MAPT: variants seen among roughly 807,000 people sequenced by gnomAD.
MAPT encodes microtubule-associated protein tau.
A neutral mutation model predicts 67.9 loss-of-function variants in MAPT; 34 were observed. The ratio of observed to expected loss-of-function variants is 0.50; its 90% CI spans 0.38 to 0.67. The LOEUF (loss-of-function observed/expected upper bound fraction) is 0.67. Ranked by LOEUF, MAPT falls within the 30% of genes least tolerant of loss-of-function variation. The pLI is 0.00. For missense variants in MAPT, 881 were observed against 1,115.2 expected (o/e 0.79, Z 2.99); for synonymous variants, 456 against 464.5 (o/e 0.98, Z 0.23).
chr17:45,986,959 A>T, intron 5 of MAPT, 81 bp from the exon 6 acceptor site: 3 of 1,267,984 alleles, frequency 2.4e-6, no homozygotes, highest in Non-Finnish European at 3.4e-6. Context: ...TATCCCAGAG[A>T]AATCCAGCTT....
chr17:45,958,578 G>A (rs2070001945), intron 1 of MAPT, among the ~76,000 whole-genome samples: 1 of 152,094 alleles, frequency 6.6e-6, no homozygotes, highest in African/African-American at 2.4e-5. Context: ...AATATTAGCC[G>A]GGTGTGATGG....
Position 45,996,493 on chromosome 17 carries a change from C to G in MAPT, c.1827C>G (p.Thr609=). 1 of 1,613,526 alleles carries G rather than the reference C, an allele frequency of 6.2e-7. No homozygotes were observed. Among genetic ancestry groups the G allele is most frequent in the Non-Finnish European group, 8.5e-7 (1 of 1,179,920 alleles). ...GSRSRTPSLP[T]PPTREPKKVA... is the part of the protein sequence containing the mutation. ...GCTCCCGCACCCCGTCCCTTCCAAC[C>G]CCACCCACCCGGGAGCCCAAGAAGG... The change falls in exon 9 of 13, where the codon ACC becomes ACG. Residue 609 remains threonine, a synonymous_variant. Transcript: ENST00000262410. This position sits in a 1 kb window ranked among gnomAD's most constrained non-coding sequence, Gnocchi z 4.5.
chr17:45,967,765 C>A (rs568157713), intron 2 of MAPT, among the ~76,000 whole-genome samples: 1 of 152,320 alleles, frequency 6.6e-6, no homozygotes, highest in South Asian at 2.1e-4. Context: ...TTCAACAGAG[C>A]CTTCCTGTCG....
intron 11 of MAPT, among the ~76,000 whole-genome samples, chr17:46,014,773 C>A (rs1394055081): frequency 6.6e-6 from 1 of 152,026 alleles, no homozygotes; most frequent in East Asian, 1.9e-4. Context: ...ACTCCGGAGG[C>A]TGAGGCAGGA....
chr17:45,988,178 C>G (rs1036331566), intron 6 of MAPT, among the ~76,000 whole-genome samples: 2 of 152,194 alleles, frequency 1.3e-5, no homozygotes, highest in Non-Finnish European at 2.9e-5. Flanking sequence ...TCCCTCCTCT[C>G]CCATTGCTAC....
At chr17:45,988,780 C>T (rs1370869030) in intron 6 of MAPT, among the ~76,000 whole-genome samples, 1 of 151,926 alleles carries the variant, frequency 6.6e-6, no homozygotes, top group East Asian at 1.9e-4. Flanking sequence ...TTTAATTGGC[C>T]AGGCAGAGGT....
At chr17:45,946,004 A>G (rs1389093332) in intron 1 of MAPT, among the ~76,000 whole-genome samples, 2 of 152,184 alleles carry the variant, frequency 1.3e-5, no homozygotes, top group South Asian at 2.1e-4. Context: ...ATAATTTTGT[A>G]TTTGACTTTT....
intron 12 of MAPT, among the ~76,000 whole-genome samples, chr17:46,021,880 C>T (rs917751414): frequency 6.6e-6 from 1 of 152,136 alleles, no homozygotes; most frequent in African/African-American, 2.4e-5. Context: ...CAGCATTAGT[C>T]CCCTGTTTTC....
chr17:45,990,240 T>TG (rs1231138007), intron 7 of MAPT, among the ~76,000 whole-genome samples, 165 bp downstream of exon 7: 1 of 152,172 alleles, frequency 6.6e-6, no homozygotes, highest in Non-Finnish European at 1.5e-5. Flanking sequence ...AAAAGAGAGC[T>TG]GGGGGCCATC....
rs555960888 is a variant in MAPT, at chr17:45,938,404, T to C, written c.-17-23917T>C. On this transcript the variant is annotated intron_variant, in intron 1 of 12. Transcript: ENST00000262410. ...AGGATGAGTCCTCACATCACCTTGC[T>C]CTGACACCAGTTCTCTGCCTCCCTC... Among the ~76,000 whole-genome samples, 11 of 152,380 alleles carry C rather than the reference T, an allele frequency of 7.2e-5. No homozygotes were observed. The East Asian group carries it at 1.5e-3, about 21-fold the overall frequency.
At position 45,960,873 on chromosome 17, in the gene MAPT, A is replaced by C. The variant is rs73314925; in HGVS notation, c.-17-1448A>C. Among the ~76,000 whole-genome samples the C allele has an allele frequency of 2.2e-3, 337 of 151,786 alleles. 4 individuals carry two copies. The highest frequency in any genetic ancestry group is 7.9e-3 in the African/African-American group (329 of 41,404). On this transcript the variant is annotated intron_variant, in intron 1 of 12. Transcript: ENST00000262410. ...AAAAAAAAAAATTCAGGCCTCCTAT[A>C]GCCATGAGCTACGAATATGAAAATA...
chr17:45,979,805 G>A (rs963839247), intron 4 of MAPT: 7 of 152,180 alleles, frequency 4.6e-5, no homozygotes, highest in African/African-American at 1.7e-4. Flanking sequence ...TAGTGCAGGT[G>A]ATGTCTACAT....
At chr17:45,935,077 C>T (rs1287194006) in intron 1 of MAPT, among the ~76,000 whole-genome samples, 1 of 152,146 alleles carries the variant, frequency 6.6e-6, no homozygotes, top group Non-Finnish European at 1.5e-5. Context: ...GGGAGGGCTG[C>T]TATATCCAAG....
In MAPT at chr17:45,996,844, T is replaced by G. The variant is rs1380856822; in HGVS notation, c.1998+180T>G. On this transcript the variant is annotated intron_variant, in intron 9 of 12. Transcript: ENST00000262410. This position sits in a 1 kb window ranked among gnomAD's most constrained non-coding sequence, Gnocchi z 4.5. ...CCCCGCATAACACCCCAGTCCCCTC[T>G]GGACCCTCTTCAAGGAAGTTCAGTT... 6.6e-6 allele frequency among the ~76,000 whole-genome samples: 1 copy of G among 152,204 alleles called. No homozygotes were observed. Among genetic ancestry groups the G allele is most frequent in the Non-Finnish European group, 1.5e-5 (1 of 68,034 alleles).
chr17:45,971,562 A>G lies in MAPT; in HGVS notation c.134-297A>G, dbSNP rs1359506378. ...CTGCCCGTTGACCAATGGAAGATAA[A>G]CCTTTGCCTCAGGTGGCACCACTAG... On this transcript the variant is annotated intron_variant, in intron 2 of 12. Transcript: ENST00000262410. This position sits in a 1 kb window ranked among gnomAD's most constrained non-coding sequence, Gnocchi z 4.3. Among the ~76,000 whole-genome samples the G allele has an allele frequency of 6.8e-6, 1 of 147,620 alleles. No homozygotes were observed. The highest frequency in any genetic ancestry group is 2.4e-5 in the African/African-American group (1 of 41,266).
chr17:45,936,059 T>G (rs2067293829), intron 1 of MAPT, among the ~76,000 whole-genome samples: 2 of 152,246 alleles, frequency 1.3e-5, no homozygotes, highest in Non-Finnish European at 2.9e-5. Context: ...TTGCTCAGCA[T>G]GAAGCCATGC....
At chr17:45,936,124 T>C (rs990326553) in intron 1 of MAPT, among the ~76,000 whole-genome samples, 4 of 152,188 alleles carry the variant, frequency 2.6e-5, no homozygotes, top group African/African-American at 9.7e-5. Context: ...GTCACTTTGC[T>C]CTGAAATTAC....
At chr17:45,991,727 T>A (rs1251107508) in intron 8 of MAPT, 141 bp downstream of exon 8, 2 of 1,050,450 alleles carry the variant, frequency 1.9e-6, no homozygotes, top group Non-Finnish European at 2.9e-6. Flanking sequence ...AGCACTGGAG[T>A]CTTCATTGCC....
In MAPT at chr17:45,982,945, T is replaced by A; in HGVS notation, c.366T>A (p.Pro122=). The change falls in exon 5 of 13, where the codon CCT becomes CCA. Residue 122 remains proline, a synonymous_variant. Transcript: ENST00000262410. The part of the protein sequence containing the change: ...LANEISAHVQ[P]GPCGEASGVS... ...ATGAGATTAGCGCCCACGTCCAGCCTGGACCCTGCGGAGAGGCCTCTGGGG... is the reference window on the plus strand; with the variant it reads ...ATGAGATTAGCGCCCACGTCCAGCCAGGACCCTGCGGAGAGGCCTCTGGGG... 1 of 1,422,708 alleles carries A rather than the reference T, an allele frequency of 7.0e-7. No homozygotes were observed. Among genetic ancestry groups the A allele is most frequent in the Non-Finnish European group, 9.2e-7 (1 of 1,092,104 alleles). The allele number at this position is 1,422,708 out of a possible 1,614,324, so 88.1% of individuals were successfully genotyped here.
Sources: allele counts gnomAD v4.1 joint callset (sites outside exome capture counted in the v4.1 genomes callset), GRCh38; gene constraint gnomAD v4.1.1; non-coding constraint Gnocchi (gnomAD v3.1); transcripts MANE v1.5; gene names NCBI Gene and HGNC (gene_info 2026-07-23, HGNC 2026-07-21).